FUZ: variants seen among roughly 807,000 people sequenced by gnomAD.
FUZ encodes the protein fuzzy planar cell polarity protein, also known as protein fuzzy homolog.
FUZ carries 31 observed loss-of-function variants against 43.1 expected under a neutral mutation model. The observed-to-expected ratio is 0.72, with a 90% confidence interval of 0.54 to 0.97. FUZ has a LOEUF of 0.97. Ranked by LOEUF, FUZ falls within the 50% of genes least tolerant of loss-of-function variation. The probability of loss-of-function intolerance (pLI) is 0.00; values close to 1 mark genes in which losing one functional copy is unlikely to be tolerated. For missense variants in FUZ, 539 were observed against 543.8 expected (o/e 0.99, Z 0.09); for synonymous variants, 274 against 250.0 (o/e 1.10, Z -0.91).
In FUZ at chr19:49,809,747, G is replaced by A; in HGVS notation, c.493-172C>T. The A allele has an allele frequency of 4.5e-6, 3 of 667,728 alleles. No individual in the cohort carries two copies. Among genetic ancestry groups the A allele is most frequent in the Admixed American group, 2.3e-5 (1 of 43,508 alleles). The allele number at this position is 667,728 out of a possible 1,614,324, so 41.4% of individuals were successfully genotyped here. A position where few individuals can be genotyped will look rare whatever the true frequency, so the allele number is the denominator to read the frequency against. On this transcript the variant is annotated intron_variant, in intron 5 of 10. Transcript: ENST00000313777. This position sits in a 1 kb window ranked among gnomAD's most constrained non-coding sequence, Gnocchi z 5.1. ...AGCCTGAGTTCCTTCACTTTCATAC[G>A]AAGTCACATCCCCAACTCACACTGT... is the stretch of plus-strand genomic sequence containing the variant.
chr19:49,809,115 T>C lies in FUZ; in HGVS notation c.786+48A>G. ...GCAGGGTGGTGGGGAAGGGCCCTCCTGGTAGCGGGTGTCCTAAGAGCGAAA... is the reference window on the plus strand; with the variant it reads ...GCAGGGTGGTGGGGAAGGGCCCTCCCGGTAGCGGGTGTCCTAAGAGCGAAA... On this transcript the variant is annotated intron_variant, in intron 7 of 10. Transcript: ENST00000313777. This position sits in a 1 kb window ranked among gnomAD's most constrained non-coding sequence, Gnocchi z 5.1. 2 of 1,513,286 alleles carry C rather than the reference T, an allele frequency of 1.3e-6. No homozygotes were observed. Among genetic ancestry groups the C allele is most frequent in the Non-Finnish European group, 1.8e-6 (2 of 1,113,322 alleles). 93.7% of individuals were successfully genotyped at this position (1,513,286 alleles called of 1,614,324 possible). A position where few individuals can be genotyped will look rare whatever the true frequency, so the allele number is the denominator to read the frequency against.
Position 49,812,977 on chromosome 19 carries a change from C to CA in FUZ, c.111+18dup, listed in dbSNP as rs2073863622. On this transcript the variant is annotated intron_variant, in intron 1 of 10. Transcript: ENST00000313777. The stretch of plus-strand genomic sequence containing the variant: ...CACCGAACCCCCTTCGGTTTAGATA[C>CA]AGGCGTCCAAGGCCCCACCTGCTGA... 6.5e-7 allele frequency: 1 copy of CA among 1,543,822 alleles called. No homozygotes were observed. The highest frequency in any genetic ancestry group is 1.4e-5 in the African/African-American group (1 of 72,928).
chr19:49,807,092 G>A lies in FUZ; in HGVS notation c.*59C>T, dbSNP rs781670962. 1.1e-5 allele frequency: 18 copies of A among 1,605,652 alleles called. No homozygotes were observed. In the African/African-American group the frequency reaches 1.2e-4, roughly 11 times the overall value. ...CCAGGGGCTGTGTATTATTGTGAGC[G>A]AATAAACAGAGAGACGCTAACAGCC... On this transcript the variant is annotated 3_prime_UTR_variant, in exon 11 of 11. Coordinates refer to ENST00000313777, the MANE Select transcript of FUZ (RefSeq NM_025129.5).
Position 49,807,019 on chromosome 19 carries a change from CT to C in FUZ, c.*131del. On this transcript the variant is annotated 3_prime_UTR_variant, in exon 11 of 11. Transcript: ENST00000313777. Reference sequence around the variant, plus strand: ...GAGGGGCCAGGGAAGTGGATGTCTCCTCCCCTCCCACCCCACCCTGTTGTAG... The same window carrying C: ...GAGGGGCCAGGGAAGTGGATGTCTCCCCCCTCCCACCCCACCCTGTTGTAG... The C allele has an allele frequency of 1.3e-6, 2 of 1,500,410 alleles. No homozygotes were observed. Among genetic ancestry groups the C allele is most frequent in the Non-Finnish European group, 1.8e-6 (2 of 1,119,720 alleles). The allele number at this position is 1,500,410 out of a possible 1,614,324, so 92.9% of individuals were successfully genotyped here.
At position 49,808,500 on chromosome 19, in the gene FUZ, A is replaced by G; in HGVS notation, c.959-12T>C. 6.2e-7 allele frequency: 1 copy of G among 1,609,148 alleles called. No individual in the cohort carries two copies. Among genetic ancestry groups the G allele is most frequent in the Non-Finnish European group, 8.5e-7 (1 of 1,178,192 alleles). On this transcript the variant is annotated splice_polypyrimidine_tract_variant and intron_variant, in intron 9 of 10. Transcript: ENST00000313777. Reference sequence around the variant, plus strand: ...TTCTGGTGAAGGCTCTGCTGGGAGGAAAAGGCGGTGATGCAGAGCGCCTCC... The same window carrying G: ...TTCTGGTGAAGGCTCTGCTGGGAGGGAAAGGCGGTGATGCAGAGCGCCTCC...
At position 49,807,310 on chromosome 19, in the gene FUZ, G is replaced by A; in HGVS notation, c.1098C>T (p.Tyr366=). ...VYQAQLPRAC[Y]LVLGTEEPGT... Reference sequence around the variant, plus strand: ...CTGGTTCCTCAGTCCCCAACACCAGGTAGCAAGCTCTGGGCAGCTGGGCCT... The same window carrying A: ...CTGGTTCCTCAGTCCCCAACACCAGATAGCAAGCTCTGGGCAGCTGGGCCT... The change falls in exon 11 of 11, where the codon TAC becomes TAT. Residue 366 remains tyrosine (Y), a synonymous_variant. Coordinates refer to ENST00000313777, the MANE Select transcript of FUZ (RefSeq NM_025129.5). The A allele has an allele frequency of 6.2e-7, 1 of 1,613,510 alleles. No individual in the cohort carries two copies. The highest frequency in any genetic ancestry group is 8.5e-7 in the Non-Finnish European group (1 of 1,179,974).
intron 5 of FUZ, among the ~76,000 whole-genome samples, chr19:49,810,710 G>T (rs991452867): frequency 6.6e-6 from 1 of 150,454 alleles, no homozygotes; most frequent in Non-Finnish European, 1.5e-5. Context: ...ATAGCTGAAT[G>T]TGGTGGCACA....
rs1389602641 is a variant in FUZ, at chr19:49,807,259, C to T, written c.1149G>A (p.Leu383=). Residue 383 remains leucine, a synonymous_variant, in exon 11 of 11, where the codon TTG becomes TTA. Coordinates refer to ENST00000313777, the MANE Select transcript of FUZ (RefSeq NM_025129.5). Reference sequence around the variant, plus strand: ...GCAGCAGCCGCCGAAGCCCCAGCTGCAAGGCCACCAGACGCACTCCTGTGC... The same window carrying T: ...GCAGCAGCCGCCGAAGCCCCAGCTGTAAGGCCACCAGACGCACTCCTGTGC... ...EPGTGVRLVA[L]QLGLRRLLLL... The T allele has an allele frequency of 6.2e-7, 1 of 1,613,340 alleles. No homozygotes were observed. Among genetic ancestry groups the T allele is most frequent in the African/African-American group, 1.3e-5 (1 of 74,966 alleles).
chr19:49,811,229 T>C, intron 5 of FUZ, 134 bp downstream of exon 5: 1 of 714,922 alleles, frequency 1.4e-6, no homozygotes, highest in Non-Finnish European at 2.6e-6. Context: ...AAGATTCTTC[T>C]GGGACCAGGT....
intron 4 of FUZ, 57 bp from the exon 5 acceptor site, chr19:49,811,524 C>G: frequency 1.9e-6 from 3 of 1,586,294 alleles, no homozygotes; most frequent in African/African-American, 1.3e-5. Context: ...GTCAGACAAC[C>G]AAGAACCTGT....
chr19:49,806,943 G>T lies in FUZ; in HGVS notation c.*208C>A, dbSNP rs762816741. ...CATCTGCTGCTGTTTACATTCTGGG[G>T]GGTTAGGGGGAGTCCCCCTCCCTCC... is the stretch of plus-strand genomic sequence containing the variant. On this transcript the variant is annotated 3_prime_UTR_variant, in exon 11 of 11. Coordinates refer to ENST00000313777, the MANE Select transcript of FUZ (RefSeq NM_025129.5). 3.9e-6 allele frequency: 6 copies of T among 1,534,002 alleles called. No individual in the cohort carries two copies. Among genetic ancestry groups the T allele is most frequent in the Middle Eastern group, 1.9e-4 (1 of 5,210 alleles).
intron 5 of FUZ, chr19:49,811,127 G>A: frequency 1.7e-6 from 1 of 582,082 alleles, no homozygotes; most frequent in Non-Finnish European, 3.1e-6. Flanking sequence ...CTCCAGCCTG[G>A]GCAACAAGAG....
rs147997963 is a variant in FUZ, at chr19:49,809,599, T to TG, written c.493-25dup. The TG allele has an allele frequency of 9.3e-4, 1,460 of 1,570,096 alleles. 17 individuals carry two copies. The African/African-American group carries it at 0.018, about 20-fold the overall frequency. On this transcript the variant is annotated intron_variant, in intron 5 of 10. Coordinates refer to ENST00000313777, the MANE Select transcript of FUZ (RefSeq NM_025129.5). The surrounding 1 kb of genome is among the most constrained non-coding windows in gnomAD (Gnocchi z 5.1). ...TCCTGGGTACGGGAGGCAGGAGGAC[T>TG]GGGAGTCAGCAGACAAGCGTAGGGG...
Position 49,811,649 on chromosome 19 carries a change from T to A in FUZ, c.369A>T (p.Arg123Ser). Residue 123 changes from arginine to serine, a missense_variant, in exon 4 of 11, where the codon AGA becomes AGT. Physicochemically the swap from Arg to Ser is moderately radical, Grantham distance 110. Coordinates refer to ENST00000313777, the MANE Select transcript of FUZ (RefSeq NM_025129.5). Reference protein sequence around the residue: ...EELTNIRNVERLKKDLRASYC... With the variant: ...EELTNIRNVESLKKDLRASYC... The stretch of plus-strand genomic sequence containing the variant: ...ACCTCACCCTCAAGTCCTTCTTCAG[T>A]CTCTCCACGTTGCGGATATTGGTCA... 1.2e-6 allele frequency: 2 copies of A among 1,614,184 alleles called. No homozygotes were observed. The highest frequency in any genetic ancestry group is 1.7e-6 in the Non-Finnish European group (2 of 1,180,026).
At position 49,809,208 on chromosome 19, in the gene FUZ, ACACAGCTCCAGG is replaced by A; in HGVS notation, c.729_740del (p.Glu245_Leu248del). 6.4e-7 allele frequency: 1 copy of A among 1,551,416 alleles called. No homozygotes were observed. The highest frequency in any genetic ancestry group is 8.7e-7 in the Non-Finnish European group (1 of 1,147,068). On this transcript the variant is annotated inframe_deletion, in exon 7 of 11. Coordinates refer to ENST00000313777, the MANE Select transcript of FUZ (RefSeq NM_025129.5). The surrounding 1 kb of genome is among the most constrained non-coding windows in gnomAD (Gnocchi z 5.1). ...GGGGTGGGCTCGGCCCGCAGAGTAGACACAGCTCCAGGCTCGGCAGCAGAGTCAGGGTCAGGA... is the reference window on the plus strand; with the variant it reads ...GGGGTGGGCTCGGCCCGCAGAGTAGACTCGGCAGCAGAGTCAGGGTCAGGA...
chr19:49,807,170 G>C lies in FUZ; in HGVS notation c.1238C>G (p.Ala413Gly). The change falls in exon 11 of 11, where the codon GCC (alanine) becomes GGC (glycine). Residue 413 changes from alanine to glycine, a missense_variant. Ala to Gly is a moderately conservative substitution (Grantham distance 60, BLOSUM62 0). Transcript: ENST00000313777. The stretch of plus-strand genomic sequence containing the variant: ...AGGTAGTCAAAGAAGTGGGGTGAGG[G>C]CATGCAGAGTGTGGGTGGCCAGGCT... ...LRSLATHTLH[A>G]LTPLL The C allele has an allele frequency of 1.9e-6, 3 of 1,613,276 alleles. No homozygotes were observed. The highest frequency in any genetic ancestry group is 2.5e-6 in the Non-Finnish European group (3 of 1,179,846).
At chr19:49,811,215 A>T (rs1161789195) in intron 5 of FUZ, 148 bp downstream of exon 5, 1 of 693,904 alleles carries the variant, frequency 1.4e-6, no homozygotes, top group Admixed American at 2.3e-5. Context: ...AAAAAAAAAG[A>T]AAAAAGATTC....
chr19:49,812,864 G>T, intron 1 of FUZ, 128 bp from the exon 2 acceptor site: 1 of 1,401,226 alleles, frequency 7.1e-7, no homozygotes, highest in Non-Finnish European at 1.0e-6. Flanking sequence ...TGGGGAACCA[G>T]GCTTATTGGT....
At position 49,809,306 on chromosome 19, in the gene FUZ, A is replaced by G; in HGVS notation, c.691-48T>C. The G allele has an allele frequency of 6.5e-7, 1 of 1,548,966 alleles. No homozygotes were observed. Among genetic ancestry groups the G allele is most frequent in the Non-Finnish European group, 8.7e-7 (1 of 1,146,514 alleles). ...GCTCATCGCGGCCCGGCCCCTTTCC[A>G]TCGCAGATCCCGCCTCCTCGCGACT... is the stretch of plus-strand genomic sequence containing the variant. On this transcript the variant is annotated intron_variant, in intron 6 of 10. Coordinates refer to ENST00000313777, the MANE Select transcript of FUZ (RefSeq NM_025129.5). The surrounding 1 kb of genome is among the most constrained non-coding windows in gnomAD (Gnocchi z 5.1).
Sources: gnomAD v4.1 joint callset for allele counts (sites outside exome capture counted in the v4.1 genomes callset) on GRCh38, gnomAD v4.1.1 for gene constraint, Gnocchi (gnomAD v3.1) non-coding constraint, MANE v1.5 for transcripts, NCBI Gene and HGNC (gene_info 2026-07-23, HGNC 2026-07-21) for gene names.